The following DPP6 variants were observed in gnomAD, a reference collection of about 807,000 sequenced individuals.
The protein encoded by DPP6 is A-type potassium channel modulatory protein DPP6.
Under a neutral mutation model 122.6 loss-of-function variants are expected in DPP6, and 69 were observed. The ratio of observed to expected loss-of-function variants is 0.56; its 90% CI spans 0.46 to 0.69. The LOEUF (loss-of-function observed/expected upper bound fraction) is 0.69. Ranked by LOEUF, DPP6 falls within the 30% of genes least tolerant of loss-of-function variation. The pLI is 0.00. For synonymous variants in DPP6, 418 were observed against 433.1 expected, an observed-to-expected ratio of 0.97 and a Z score of 0.43; for missense variants, 928 against 1,116.9, an observed-to-expected ratio of 0.83 and a Z score of 2.41.
intron 8 of DPP6, among the ~76,000 whole-genome samples, chr7:154,746,335 A>G (rs1843034853): frequency 6.6e-6 from 1 of 152,182 alleles, no homozygotes. Context: ...CCATATAAGA[A>G]GAGGGGAGCT....
chr7:154,769,650 G>GTGATCATCAGACA (rs1181194012), intron 9 of DPP6, 79 bp downstream of exon 9: 67 of 1,421,710 alleles, frequency 4.7e-5, no homozygotes, highest in Non-Finnish European at 5.8e-5. Context: ...GTGTGCAGAC[G>GTGATCATCAGACA]TGATCATCAG....
chr7:154,022,775 G>T (rs937065086), intron 1 of DPP6, among the ~76,000 whole-genome samples: 7 of 152,180 alleles, frequency 4.6e-5, no homozygotes, highest in Non-Finnish European at 1.0e-4. Flanking sequence ...AGCAGAGGTG[G>T]CCAGAAGAAG....
chr7:154,330,380 C>A (rs1189202856), intron 1 of DPP6, among the ~76,000 whole-genome samples: 3 of 152,094 alleles, frequency 2.0e-5, no homozygotes, highest in Non-Finnish European at 4.4e-5. Flanking sequence ...GTATTCACAG[C>A]CGAGAGTGGC....
intron 1 of DPP6, among the ~76,000 whole-genome samples, chr7:154,399,342 C>A (rs1393520532): frequency 6.6e-6 from 1 of 152,204 alleles, no homozygotes; most frequent in Non-Finnish European, 1.5e-5. Context: ...AGAATCCAGA[C>A]ATCTAGATCA....
intron 1 of DPP6, among the ~76,000 whole-genome samples, chr7:154,054,504 C>A (rs1800652879): frequency 6.6e-6 from 1 of 152,136 alleles, no homozygotes; most frequent in Non-Finnish European, 1.5e-5. Flanking sequence ...ACACCCCCTA[C>A]AGCCCTGCGT....
At chr7:154,111,558 T>C (rs1243093676) in intron 1 of DPP6, among the ~76,000 whole-genome samples, 7 of 152,116 alleles carry the variant, frequency 4.6e-5, no homozygotes, top group African/African-American at 1.7e-4. Flanking sequence ...ATATTTATTT[T>C]AGTTATTTTC....
intron 1 of DPP6, among the ~76,000 whole-genome samples, chr7:153,983,958 G>A (rs190212135): frequency 8.0e-4 from 121 of 152,036 alleles, no homozygotes; most frequent in Admixed American, 1.4e-3. Flanking sequence ...CATTGGTCTC[G>A]CTGGGAGCTG....
chr7:154,058,802 C>A (rs1174177242), intron 1 of DPP6: 2 of 150,772 alleles, frequency 1.3e-5, no homozygotes, highest in African/African-American at 4.9e-5. Flanking sequence ...AGGCACCCCC[C>A]ACGACAGTGG....
At chr7:154,141,196 C>G (rs1312026539) in intron 1 of DPP6, among the ~76,000 whole-genome samples, 1 of 152,300 alleles carries the variant, frequency 6.6e-6, no homozygotes, top group East Asian at 1.9e-4. Context: ...TTTTAGAAAG[C>G]CATAATTAAT....
intron 1 of DPP6, among the ~76,000 whole-genome samples, chr7:154,064,813 C>G (rs1260707025): frequency 6.6e-6 from 1 of 152,134 alleles, no homozygotes; most frequent in Non-Finnish European, 1.5e-5. Context: ...TGATCCAGCA[C>G]TGGTCACATG....
At chr7:153,928,121 G>A (rs1002083100) in intron 1 of DPP6, among the ~76,000 whole-genome samples, 1 of 151,840 alleles carries the variant, frequency 6.6e-6, no homozygotes, top group Non-Finnish European at 1.5e-5. Flanking sequence ...AAAAACAGCA[G>A]AAATTTATTT....
intron 5 of DPP6, among the ~76,000 whole-genome samples, chr7:154,619,003 A>G (rs1285610115): frequency 3.3e-5 from 5 of 152,136 alleles, no homozygotes; most frequent in Admixed American, 2.6e-4. Flanking sequence ...TGAGTCTTAC[A>G]AGATCTGATG....
chr7:153,976,382 A>G (rs2129035844), intron 1 of DPP6, among the ~76,000 whole-genome samples: 1 of 152,312 alleles, frequency 6.6e-6, no homozygotes, highest in Middle Eastern at 3.4e-3. Context: ...AGAAACACGA[A>G]GAACCAACTG....
At chr7:153,915,759 T>A (rs915292165) in intron 1 of DPP6, among the ~76,000 whole-genome samples, 1 of 152,132 alleles carries the variant, frequency 6.6e-6, no homozygotes, top group Non-Finnish European at 1.5e-5. Context: ...GTGTGAAAGG[T>A]TCTGATGCTA....
chr7:153,912,294 A>C (rs1800125759), intron 1 of DPP6, among the ~76,000 whole-genome samples: 3 of 152,194 alleles, frequency 2.0e-5, no homozygotes, highest in African/African-American at 7.2e-5. Context: ...AATAAAACGA[A>C]CTGGAACCGT....
chr7:154,421,628 A>C (rs1475727672), intron 1 of DPP6, among the ~76,000 whole-genome samples: 3 of 146,602 alleles, frequency 2.0e-5, no homozygotes, highest in Non-Finnish European at 4.5e-5. Flanking sequence ...CTGGCCTTTG[A>C]GTGTCAGTTT....
At chr7:154,063,499 C>T (rs1264395077) in intron 1 of DPP6, among the ~76,000 whole-genome samples, 1 of 130,398 alleles carries the variant, frequency 7.7e-6, no homozygotes. Flanking sequence ...CCCCCCCTGG[C>T]TCTTAAGACC....
chr7:154,390,325 G>C (rs1814505042), intron 1 of DPP6, among the ~76,000 whole-genome samples: 1 of 152,230 alleles, frequency 6.6e-6, no homozygotes, highest in Admixed American at 6.5e-5. Flanking sequence ...CCTGGGGGCA[G>C]AGTGTGCTCA....
chr7:154,623,638 C>T (rs1834864042), intron 5 of DPP6, among the ~76,000 whole-genome samples: 1 of 145,624 alleles, frequency 6.9e-6, no homozygotes, highest in Non-Finnish European at 1.5e-5. Flanking sequence ...CATGCGTGCA[C>T]ACACGCGCAC....
Sources: allele counts gnomAD v4.1 joint callset (sites outside exome capture counted in the v4.1 genomes callset), GRCh38; gene constraint gnomAD v4.1.1; transcripts MANE v1.5; gene names NCBI Gene and HGNC (gene_info 2026-07-23, HGNC 2026-07-21).